The following TSPAN10 variants were observed in gnomAD, a reference collection of about 807,000 sequenced individuals.
TSPAN10 encodes tetraspanin-10.
TSPAN10 carries 11 observed loss-of-function variants against 15.0 expected under a neutral mutation model. That is an observed-to-expected ratio of 0.73 (90% CI 0.46 to 1.21). The LOEUF is 1.21. Among genes scored for constraint, TSPAN10 ranks in the 50% most tolerant of loss-of-function variants. The pLI is 0.00. For synonymous variants in TSPAN10, 241 were observed against 226.2 expected (o/e 1.07, Z -0.59); for missense variants, 486 against 470.6 (o/e 1.03, Z -0.30).
chr17:81,639,345 T>C (rs1365069262), upstream of TSPAN10, among the ~76,000 whole-genome samples: 4 of 151,418 alleles, frequency 2.6e-5, no homozygotes, highest in Non-Finnish European at 4.4e-5. Context: ...GTAGCTGAGA[T>C]TACAAGCGTG....
At chr17:81,645,900 A>G in intron 2 of TSPAN10, 1 of 587,790 alleles carries the variant, frequency 1.7e-6, no homozygotes, top group Non-Finnish European at 3.0e-6. Flanking sequence ...TCAGGCACAC[A>G]CTCACACTCA....
chr17:81,639,238 C>CCCTCTG (rs2036154944), upstream of TSPAN10: 1 of 118,748 alleles, frequency 8.4e-6, no homozygotes, highest in Non-Finnish European at 1.6e-5. Context: ...AGTCGGATCT[C>CCCTCTG]CCTCTGTCGC....
At chr17:81,648,183 C>G (rs776419388) in exon 3 of TSPAN10, 1 of 1,422,668 alleles carries the variant, frequency 7.0e-7, no homozygotes, top group Non-Finnish European at 9.1e-7. Context: ...TCGGGGCCCT[C>G]GCTGCCCGCA....
downstream of TSPAN10, chr17:81,648,477 A>C: frequency 5.1e-5 from 27 of 529,324 alleles, no homozygotes; most frequent in Non-Finnish European, 6.5e-5. Flanking sequence ...CCAGCCCCCA[A>C]CGCAGGGCGC....
Position 81,645,761 on chromosome 17 carries a change from C to T in TSPAN10, c.674+132C>T, listed in dbSNP as rs1376034007. The T allele has an allele frequency of 8.4e-6, 10 of 1,191,436 alleles. No individual in the cohort carries two copies. In the East Asian group the frequency reaches 1.0e-4, roughly 12 times the overall value. 73.8% of individuals were successfully genotyped at this position (1,191,436 alleles called of 1,614,324 possible). A position where few individuals can be genotyped will look rare whatever the true frequency, so the allele number is the denominator to read the frequency against. On this transcript the variant is annotated intron_variant, in intron 2 of 2. Transcript: ENST00000611590. The stretch of plus-strand genomic sequence containing the variant: ...TGCCCACATGCATGCACACGTATAC[C>T]CACATGTACACGCATATCCACACTG...
At chr17:81,648,229 G>A (rs1429427763) in exon 3 of TSPAN10, 2 of 1,273,850 alleles carry the variant, frequency 1.6e-6, no homozygotes, top group East Asian at 3.3e-5. Flanking sequence ...GCGCGGGGAG[G>A]ACCGCGCTGG....
exon 2 of TSPAN10, chr17:81,645,179 G>GCGTCAAGTATCTGATCTT: frequency 6.5e-7 from 1 of 1,550,066 alleles, no homozygotes; most frequent in South Asian, 1.2e-5. Flanking sequence ...GGGAGCAGCT[G>GCGTCAAGTATCTGATCTT]CGTCAAGTAT....
intron 1 of TSPAN10, among the ~76,000 whole-genome samples, chr17:81,643,154 G>C (rs1004783778): frequency 6.6e-6 from 1 of 150,688 alleles, no homozygotes; most frequent in Middle Eastern, 3.2e-3. Flanking sequence ...ACAGGCACAT[G>C]CCACCACACC....
chr17:81,637,537 A>G (rs2036120975), upstream of TSPAN10: 1 of 593,594 alleles, frequency 1.7e-6, no homozygotes. Flanking sequence ...GGTGGCTCAT[A>G]CCTGTAATCC....
chr17:81,645,891 C>A, intron 2 of TSPAN10: 1 of 600,000 alleles, frequency 1.7e-6, no homozygotes, highest in Non-Finnish European at 3.0e-6. Context: ...GCCTCACACT[C>A]AGGCACACAC....
chr17:81,645,953 G>A (rs1202431372), intron 2 of TSPAN10: 2 of 468,122 alleles, frequency 4.3e-6, no homozygotes, highest in Middle Eastern at 5.5e-4. Flanking sequence ...AAGGTATAGG[G>A]GTGCTTGCCT....
chr17:81,643,766 G>A (rs2036205387), intron 1 of TSPAN10, among the ~76,000 whole-genome samples: 1 of 152,076 alleles, frequency 6.6e-6, no homozygotes, highest in Non-Finnish European at 1.5e-5. Context: ...TCTTCCTGGT[G>A]AAACTGGATT....
chr17:81,647,524 G>T (rs1234509621), intron 2 of TSPAN10: 2 of 512,422 alleles, frequency 3.9e-6, no homozygotes, highest in Non-Finnish European at 7.6e-6. Context: ...CTCTGCCAGA[G>T]TTCCATCCAC....
chr17:81,642,938 G>C (rs887101345), intron 1 of TSPAN10, among the ~76,000 whole-genome samples: 1 of 151,630 alleles, frequency 6.6e-6, no homozygotes, highest in African/African-American at 2.4e-5. Flanking sequence ...GATTGCGTGA[G>C]CCCAGGAGTT....
upstream of TSPAN10, among the ~76,000 whole-genome samples, chr17:81,640,013 A>G (rs545164173): frequency 6.6e-6 from 1 of 150,468 alleles, no homozygotes; most frequent in South Asian, 2.1e-4. Context: ...CTGGGGTCTC[A>G]CTCCCATCGC....
intron 2 of TSPAN10, chr17:81,647,619 C>T: frequency 1.5e-6 from 1 of 655,388 alleles, no homozygotes; most frequent in East Asian, 2.8e-5. Flanking sequence ...GTCTGTTCCC[C>T]CTTCAACCGT....
chr17:81,640,576 G>A (rs140853455), upstream of TSPAN10, among the ~76,000 whole-genome samples: 2,008 of 152,160 alleles, frequency 0.013, 19 homozygotes, highest in Non-Finnish European at 0.02. Flanking sequence ...AGCCTCCCAT[G>A]TAGCTGGGAT....
intron 1 of TSPAN10, among the ~76,000 whole-genome samples, chr17:81,643,249 C>T (rs898560298): frequency 4.7e-5 from 7 of 149,902 alleles, no homozygotes; most frequent in East Asian, 1.9e-4. Context: ...CCACCCGCCT[C>T]GGCCTCCCAA....
chr17:81,642,038 G>A (rs1399013231), upstream of TSPAN10, among the ~76,000 whole-genome samples: 1 of 151,686 alleles, frequency 6.6e-6, no homozygotes, highest in Non-Finnish European at 1.5e-5. Context: ...GGAGCTGATG[G>A]AGCGGCTGCT....
Sources: gnomAD v4.1 joint callset for allele counts (sites outside exome capture counted in the v4.1 genomes callset) on GRCh38, gnomAD v4.1.1 for gene constraint, MANE v1.5 for transcripts, NCBI Gene and HGNC (gene_info 2026-07-23, HGNC 2026-07-21) for gene names.